Variants in THNSL1 observed in about 807,000 individuals in gnomAD.
THNSL1 encodes the protein threonine synthase like 1, also known as threonine synthase-like 1.
A neutral mutation model predicts 50.4 loss-of-function variants in THNSL1; 48 were observed. The ratio of observed to expected loss-of-function variants is 0.95; its 90% CI spans 0.76 to 1.21. THNSL1 has a LOEUF of 1.21. Ranked by LOEUF, THNSL1 falls within the 50% of genes most tolerant of loss-of-function variation. The pLI is 0.00. For synonymous variants in THNSL1, 309 were observed against 306.1 expected, an observed-to-expected ratio of 1.01 and a Z score of -0.10; for missense variants, 896 against 871.7, an observed-to-expected ratio of 1.03 and a Z score of -0.35.
At position 25,023,822 on chromosome 10, in the gene THNSL1, G is replaced by T; in HGVS notation, c.599G>T (p.Arg200Leu). Residue 200 changes from arginine to leucine, a missense_variant, in exon 3 of 3, where the codon CGT becomes CTT. Physicochemically the swap from Arg to Leu is moderately radical, Grantham distance 102. Coordinates refer to ENST00000376356, the MANE Select transcript of THNSL1 (RefSeq NM_024838.5). ...RQYYKKWYDA[R>L]VFCESGASPE... ...TATTATAAGAAGTGGTATGATGCTC[G>T]TGTTTTCTGTGAAAGTGGGGCTTCC... is the stretch of plus-strand genomic sequence containing the variant. 6.2e-7 allele frequency: 1 copy of T among 1,614,204 alleles called. No homozygotes were observed. Among genetic ancestry groups the T allele is most frequent in the South Asian group, 1.1e-5 (1 of 91,090 alleles).
chr10:24,978,245 C>A, the THNSL1 span, among the ~76,000 whole-genome samples: 1 of 152,100 alleles, frequency 6.6e-6, no homozygotes, highest in African/African-American at 2.4e-5. Flanking sequence ...TTCCCTTTGG[C>A]TTCGCTCCAC....
At chr10:25,020,943 A>G (rs1400560367) in intron 1 of THNSL1, among the ~76,000 whole-genome samples, 1 of 152,240 alleles carries the variant, frequency 6.6e-6, no homozygotes, top group Admixed American at 6.5e-5. Flanking sequence ...TTTAAAGTCC[A>G]GTACCAGAAT....
chr10:24,955,748 C>G, the THNSL1 span, among the ~76,000 whole-genome samples: 1 of 152,066 alleles, frequency 6.6e-6, no homozygotes, highest in African/African-American at 2.4e-5. Context: ...AATTCAAGAC[C>G]AAACCTGGGT....
At chr10:25,000,742 G>T in the THNSL1 span, among the ~76,000 whole-genome samples, 1 of 151,944 alleles carries the variant, frequency 6.6e-6, no homozygotes, top group Non-Finnish European at 1.5e-5. Context: ...AATCACTTTT[G>T]TTTGGTATGT....
chr10:24,988,375 TG>T, the THNSL1 span, among the ~76,000 whole-genome samples: 3 of 145,600 alleles, frequency 2.1e-5, no homozygotes, highest in Non-Finnish European at 3.0e-5. Flanking sequence ...TATTTATATA[TG>T]TATATATGTG....
intron 1 of THNSL1, among the ~76,000 whole-genome samples, chr10:25,018,337 G>GCGGTGGA: frequency 6.6e-6 from 1 of 152,104 alleles, no homozygotes; most frequent in South Asian, 2.1e-4. Context: ...TGTGTCCACC[G>GCGGTGGA]CATGTCCACA....
chr10:24,991,756 G>C, the THNSL1 span, among the ~76,000 whole-genome samples: 1,338 of 152,340 alleles, frequency 8.8e-3, 18 homozygotes, highest in African/African-American at 0.03. Flanking sequence ...CTGGGATACA[G>C]AAAGTCCTTT....
At chr10:24,984,906 C>T in the THNSL1 span, 1 of 1,610,094 alleles carries the variant, frequency 6.2e-7, no homozygotes, top group Non-Finnish European at 8.5e-7. Flanking sequence ...TTTTCAGCCC[C>T]TGCAAATGGT....
In THNSL1 at chr10:25,025,119, TA is replaced by T. The variant is rs1564350922; in HGVS notation, c.1898del (p.Asn633IlefsTer28). On this transcript the variant is annotated frameshift_variant, in exon 3 of 3. Coordinates refer to ENST00000376356, the MANE Select transcript of THNSL1 (RefSeq NM_024838.5). LOFTEE classifies it high-confidence loss of function. The part of the protein sequence containing the change: ...ECLAAINSTY[N>X]TSGYILDPHT... ...GCCTAGCAGCTATTAACTCCACCTA[TA>T]ATACTTCAGGGTATATTTTGGATCC... The T allele has an allele frequency of 1.9e-5, 30 of 1,614,210 alleles. No individual in the cohort carries two copies. Among genetic ancestry groups the T allele is most frequent in the Non-Finnish European group, 2.4e-5 (28 of 1,180,038 alleles).
chr10:25,008,403 G>A, the THNSL1 span, among the ~76,000 whole-genome samples: 9 of 152,158 alleles, frequency 5.9e-5, no homozygotes, highest in Admixed American at 5.9e-4. Flanking sequence ...TGTCACCTAA[G>A]AGTTCCTAAT....
At position 25,024,697 on chromosome 10, in the gene THNSL1, A is replaced by G. The variant is rs147185045; in HGVS notation, c.1474A>G (p.Ser492Gly). 3.7e-6 allele frequency: 6 copies of G among 1,614,100 alleles called. No individual in the cohort carries two copies. The highest frequency in any genetic ancestry group is 5.1e-6 in the Non-Finnish European group (6 of 1,180,042). The change falls in exon 3 of 3, where the codon AGT becomes GGT. Residue 492 changes from serine to glycine, a missense_variant. Transcript: ENST00000376356. ...TGCTTCCGCATATCTTGATCTTGTT[A>G]GTCAAGGATTTATTTCTTTTGGAAG... ...YHASAYLDLV[S>G]QGFISFGSPV...
chr10:24,960,377 T>G, the THNSL1 span, among the ~76,000 whole-genome samples: 1 of 152,258 alleles, frequency 6.6e-6, no homozygotes, highest in East Asian at 1.9e-4. Flanking sequence ...GGGTTGCACT[T>G]GAAGGAACTG....
chr10:24,984,833 T>C, the THNSL1 span: 7 of 1,613,828 alleles, frequency 4.3e-6, no homozygotes, highest in Non-Finnish European at 5.9e-6. Context: ...CGGATCTTCT[T>C]TGGTATAGAA....
chr10:24,959,792 G>A, the THNSL1 span, among the ~76,000 whole-genome samples: 1 of 152,094 alleles, frequency 6.6e-6, no homozygotes, highest in Non-Finnish European at 1.5e-5. Flanking sequence ...CTCCAAGTAA[G>A]AGGTTTTATA....
At chr10:24,964,520 G>C in the THNSL1 span, among the ~76,000 whole-genome samples, 1 of 152,170 alleles carries the variant, frequency 6.6e-6, no homozygotes, top group Non-Finnish European at 1.5e-5. Context: ...TTAGAGACCT[G>C]CACTTTCTTT....
At chr10:25,008,932 AATG>A in the THNSL1 span, among the ~76,000 whole-genome samples, 1 of 152,210 alleles carries the variant, frequency 6.6e-6, no homozygotes, top group African/African-American at 2.4e-5. Flanking sequence ...AGCCATAAAA[AATG>A]ATGAGTTCAT....
chr10:25,003,237 A>G, the THNSL1 span, among the ~76,000 whole-genome samples: 2 of 151,326 alleles, frequency 1.3e-5, no homozygotes, highest in Non-Finnish European at 2.9e-5. Flanking sequence ...GCTGGAGTGC[A>G]GTGGTGTTGC....
chr10:24,992,238 A>G, the THNSL1 span, among the ~76,000 whole-genome samples: 1 of 152,228 alleles, frequency 6.6e-6, no homozygotes, highest in Non-Finnish European at 1.5e-5. Flanking sequence ...ATGGTGACAG[A>G]GACTCACCAA....
chr10:25,013,524 T>C (rs1312385286), upstream of THNSL1, among the ~76,000 whole-genome samples: 1 of 152,250 alleles, frequency 6.6e-6, no homozygotes, highest in Non-Finnish European at 1.5e-5. Flanking sequence ...GATGAAAATA[T>C]TGTGCCAAGA....
Sources: allele counts gnomAD v4.1 joint callset (sites outside exome capture counted in the v4.1 genomes callset), GRCh38; gene constraint gnomAD v4.1.1; transcripts MANE v1.5; gene names NCBI Gene and HGNC (gene_info 2026-07-23, HGNC 2026-07-21).